Variants in MXRA8 observed in about 807,000 individuals in gnomAD.
MXRA8 encodes the protein matrix remodeling-associated protein 8.
A neutral mutation model predicts 51.4 loss-of-function variants in MXRA8; 44 were observed. The observed-to-expected ratio is 0.86, with a 90% CI of 0.67 to 1.10. The LOEUF (loss-of-function observed/expected upper bound fraction) is 1.10, where lower values mean the gene tolerates loss of function less well. MXRA8 is among the 50% of genes least tolerant of loss of function. The pLI, the probability that MXRA8 is intolerant of heterozygous loss-of-function variation, is 0.00. For missense variants in MXRA8, 765 were observed against 638.9 expected, an observed-to-expected ratio of 1.20 and a Z score of -2.13; for synonymous variants, 369 against 293.5, an observed-to-expected ratio of 1.26 and a Z score of -2.63.
rs555405216 is a variant in MXRA8, at chr1:1,355,421, C to A, written c.376+29G>T. On this transcript the variant is annotated intron_variant, in intron 3 of 9. Transcript: ENST00000309212. The stretch of plus-strand genomic sequence containing the variant: ...CGCGGCCCCGGACCCCTGCCCCGAC[C>A]CCGCGGCCCCGGTCCCCGGTCCCCG... 1.5e-5 allele frequency: 22 copies of A among 1,485,040 alleles called. No homozygotes were observed. The African/African-American group carries it at 1.6e-4, about 11-fold the overall frequency. The allele number at this position is 1,485,040 out of a possible 1,614,324, so 92.0% of individuals were successfully genotyped here.
chr1:1,353,935 G>A lies in MXRA8; in HGVS notation c.1223-7C>T. 1 of 1,609,258 alleles carries A rather than the reference G, an allele frequency of 6.2e-7. No homozygotes were observed. The highest frequency in any genetic ancestry group is 8.5e-7 in the Non-Finnish European group (1 of 1,178,104). On this transcript the variant is annotated splice_region_variant and splice_polypyrimidine_tract_variant and intron_variant, in intron 8 of 9. Coordinates refer to ENST00000309212, the MANE Select transcript of MXRA8 (RefSeq NM_032348.4). ...AGGATGTTGTTTTTGTAATCTGTGG[G>A]AGGAGAGGAGGCTGAGGTCCCCGCT...
upstream of MXRA8, among the ~76,000 whole-genome samples, chr1:1,362,841 T>C (rs2100830520): frequency 6.8e-6 from 1 of 147,940 alleles, no homozygotes; most frequent in East Asian, 2.0e-4. Context: ...CCCAGCACCT[T>C]GGGAGGCCGA....
chr1:1,356,663 G>T lies in MXRA8; in HGVS notation c.73+18C>A. The T allele has an allele frequency of 7.3e-7, 1 of 1,365,084 alleles. No individual in the cohort carries two copies. The highest frequency in any genetic ancestry group is 9.6e-7 in the Non-Finnish European group (1 of 1,045,010). 84.6% of individuals were successfully genotyped at this position (1,365,084 alleles called of 1,614,324 possible). ...TGAGGGGGAGTGGGGGTGGGCAGCT[G>T]GGGCTGGGGTCACTAACCTGAGTGC... On this transcript the variant is annotated intron_variant, in intron 2 of 9. Coordinates refer to ENST00000309212, the MANE Select transcript of MXRA8 (RefSeq NM_032348.4).
At chr1:1,357,128 A>C (rs1644149318) in intron 1 of MXRA8, among the ~76,000 whole-genome samples, 1 of 152,162 alleles carries the variant, frequency 6.6e-6, no homozygotes, top group Non-Finnish European at 1.5e-5. Context: ...ACCACACCTA[A>C]GGCTCAGCGC....
rs374879755 is a variant in MXRA8 at position 1,353,913 on chromosome 1, A to G, written c.1238T>C (p.Ile413Thr). 5.6e-6 allele frequency: 9 copies of G among 1,609,500 alleles called. No homozygotes were observed. The African/African-American group carries it at 1.2e-4, about 22-fold the overall frequency. ...EDIQLDYKNN[I>T]LKERAELAHS... ...GGCCAGCTCCGCCCTCTCCTTCAGGATGTTGTTTTTGTAATCTGTGGGAGG... is the reference window on the plus strand; with the variant it reads ...GGCCAGCTCCGCCCTCTCCTTCAGGGTGTTGTTTTTGTAATCTGTGGGAGG... Residue 413 changes from isoleucine to threonine, a missense_variant, in exon 9 of 10, where the codon ATC becomes ACC. Transcript: ENST00000309212.
intron 4 of MXRA8, 40 bp from the exon 5 acceptor site, chr1:1,355,192 G>A (rs978338572): frequency 1.4e-6 from 2 of 1,417,560 alleles, no homozygotes; most frequent in Non-Finnish European, 1.8e-6. Flanking sequence ...GGGCCGGGGC[G>A]GCGGTCGAGG....
upstream of MXRA8, among the ~76,000 whole-genome samples, chr1:1,360,339 C>T (rs1569814882): frequency 6.6e-6 from 1 of 152,300 alleles, no homozygotes; most frequent in East Asian, 1.9e-4. Flanking sequence ...CTGATGAGGC[C>T]ATCAGGCCCC....
chr1:1,353,616 C>A lies in MXRA8; in HGVS notation c.1317G>T (p.Glu439Asp). 1 of 1,563,242 alleles carries A rather than the reference C, an allele frequency of 6.4e-7. No individual in the cohort carries two copies. Among genetic ancestry groups the A allele is most frequent in the South Asian group, 1.2e-5 (1 of 85,170 alleles). ...YIDLDKGFRK[E>D]NCK ...GCCCAGGGCCTCCCTATTTGCAGTTCTCCTTCCGGAACCCTGGAAGCCAAG... is the reference window on the plus strand; with the variant it reads ...GCCCAGGGCCTCCCTATTTGCAGTTATCCTTCCGGAACCCTGGAAGCCAAG... Residue 439 changes from glutamate to aspartate, a missense_variant, in exon 10 of 10, where the codon GAG becomes GAT. Physicochemically the swap from Glu to Asp is conservative, Grantham distance 45. Transcript: ENST00000309212.
chr1:1,363,385 G>C (rs569032042), upstream of MXRA8, among the ~76,000 whole-genome samples: 4 of 151,790 alleles, frequency 2.6e-5, no homozygotes, highest in East Asian at 7.7e-4. Flanking sequence ...GGCCTCAAGC[G>C]ATCCTCGGCC....
At chr1:1,363,081 CA>C (rs200811419), upstream of MXRA8, among the ~76,000 whole-genome samples, 14,006 of 126,058 alleles carry the variant, frequency 0.11, 1,039 homozygotes, top group African/African-American at 0.23. Context: ...GACTCCGTCT[CA>C]AAAAAAAAAA....
Position 1,353,142 on chromosome 1 carries a change from C to G in MXRA8, c.*462G>C. The G allele has an allele frequency of 1.2e-6, 1 of 856,142 alleles. No homozygotes were observed. The highest frequency in any genetic ancestry group is 1.9e-6 in the Non-Finnish European group (1 of 526,786). The allele number at this position is 856,142 out of a possible 1,614,324, so 53.0% of individuals were successfully genotyped here. A position where few individuals can be genotyped will look rare whatever the true frequency, so the allele number is the denominator to read the frequency against. ...GTGGGACTCCTGCCGAGGCTGACCC[C>G]AACTTCAAGGCTGCCAAGTTCTGAT... is the stretch of plus-strand genomic sequence containing the variant. On this transcript the variant is annotated 3_prime_UTR_variant, in exon 10 of 10. Transcript: ENST00000309212.
Position 1,355,752 on chromosome 1 carries a change from C to A in MXRA8, c.74G>T (p.Gly25Val). ...LQSSAVLLHS[G>V]SSVPAAAGSS... ...GCCAGCAGCGGCGGGTACCGAGGAC[C>A]CTGGTGGGGGAGGGGAGTCGGTGGG... is the stretch of plus-strand genomic sequence containing the variant. The change falls in exon 3 of 10, where the codon GGG (glycine) becomes GTG (valine). Residue 25 changes from glycine (G) to valine (V), a missense_variant and splice_region_variant. Physicochemically the swap from Gly to Val is moderately radical, Grantham distance 109. Coordinates refer to ENST00000309212, the MANE Select transcript of MXRA8 (RefSeq NM_032348.4). 3.9e-6 allele frequency: 5 copies of A among 1,282,772 alleles called. No homozygotes were observed. The highest frequency in any genetic ancestry group is 4.9e-6 in the Non-Finnish European group (5 of 1,018,026). The allele number at this position is 1,282,772 out of a possible 1,614,324, so 79.5% of individuals were successfully genotyped here.
At chr1:1,363,302 A>G (rs1644239695), upstream of MXRA8, among the ~76,000 whole-genome samples, 1 of 152,180 alleles carries the variant, frequency 6.6e-6, no homozygotes, top group Admixed American at 6.5e-5. Flanking sequence ...ACAAAAGGAC[A>G]GGGTCTCACT....
upstream of MXRA8, chr1:1,361,163 AAC>A (rs113960113): frequency 4.3e-5 from 30 of 701,664 alleles, no homozygotes; most frequent in African/African-American, 2.1e-4. Flanking sequence ...CGGAAACACA[AAC>A]ACACAGACAC....
At chr1:1,356,554 GTCC>G in intron 2 of MXRA8, 124 bp downstream of exon 2, 1 of 548,952 alleles carries the variant, frequency 1.8e-6, no homozygotes. Context: ...GTGCCCAAGG[GTCC>G]TGATGAGCAA....
At position 1,355,268 on chromosome 1, in the gene MXRA8, C is replaced by A. The variant is rs779091764; in HGVS notation, c.454G>T (p.Val152Phe). The change falls in exon 4 of 10, where the codon GTC (valine) becomes TTC (phenylalanine). Residue 152 changes from valine to phenylalanine, a missense_variant. By Grantham distance (50) the Val-to-Phe change is conservative (BLOSUM62 -1). Transcript: ENST00000309212. Reference protein sequence around the residue: ...HYCHLYESLAVRLEVTDGPPA... With the variant: ...HYCHLYESLAFRLEVTDGPPA... Reference sequence around the variant, plus strand: ...CGGCCGTCGGTGACCTCCAGGCGGACGGCCAGGCTCTCGTAGAGGTGGCAG... The same window carrying A: ...CGGCCGTCGGTGACCTCCAGGCGGAAGGCCAGGCTCTCGTAGAGGTGGCAG... 76 of 1,571,222 alleles carry A rather than the reference C, an allele frequency of 4.8e-5. No individual in the cohort carries two copies. Among genetic ancestry groups the A allele is most frequent in the Non-Finnish European group, 6.4e-5 (75 of 1,163,212 alleles).
rs1436827238 is a variant in MXRA8 at position 1,355,338 on chromosome 1, C to T, written c.384G>A (p.Glu128=). 3.2e-6 allele frequency: 5 copies of T among 1,575,204 alleles called. No homozygotes were observed. Among genetic ancestry groups the T allele is most frequent in the Non-Finnish European group, 3.4e-6 (4 of 1,164,620 alleles). The part of the protein sequence containing the change: ...GNFSLLIRAV[E]ETDAGLYTCN... Reference sequence around the variant, plus strand: ...AGGTGTACAGCCCCGCGTCCGTCTCCTCCACCGCTGCGCACCCAGGAGGAA... The same window carrying T: ...AGGTGTACAGCCCCGCGTCCGTCTCTTCCACCGCTGCGCACCCAGGAGGAA... The change falls in exon 4 of 10, where the codon GAG becomes GAA. Residue 128 remains glutamate (E), a synonymous_variant. Transcript: ENST00000309212.
In MXRA8 at chr1:1,355,735, C is replaced by G; in HGVS notation, c.91G>C (p.Ala31Pro). The change falls in exon 3 of 10, where the codon GCT becomes CCT. Residue 31 changes from alanine to proline, a missense_variant. Physicochemically the swap from Ala to Pro is conservative, Grantham distance 27. Transcript: ENST00000309212. Reference sequence around the variant, plus strand: ...TCGGACACCACGGAGCTGCCAGCAGCGGCGGGTACCGAGGACCCTGGTGGG... The same window carrying G: ...TCGGACACCACGGAGCTGCCAGCAGGGGCGGGTACCGAGGACCCTGGTGGG... ...LLHSGSSVPA[A>P]AGSSVVSESA... 1.9e-6 allele frequency: 2 copies of G among 1,047,738 alleles called. No individual in the cohort carries two copies. Among genetic ancestry groups the G allele is most frequent in the Non-Finnish European group, 2.3e-6 (2 of 875,858 alleles). The allele number at this position is 1,047,738 out of a possible 1,614,324, so 64.9% of individuals were successfully genotyped here. A position where few individuals can be genotyped will look rare whatever the true frequency, so the allele number is the denominator to read the frequency against.
intron 1 of MXRA8, among the ~76,000 whole-genome samples, chr1:1,358,201 C>T (rs901521662): frequency 6.6e-6 from 1 of 152,196 alleles, no homozygotes; most frequent in Non-Finnish European, 1.5e-5. Flanking sequence ...AGGGAGACGC[C>T]GCCGTGCCTG....
Sources: gnomAD v4.1 joint callset for allele counts (sites outside exome capture counted in the v4.1 genomes callset) on GRCh38, gnomAD v4.1.1 for gene constraint, MANE v1.5 for transcripts, NCBI Gene and HGNC (gene_info 2026-07-23, HGNC 2026-07-21) for gene names.